Variants in DPP10 observed in about 807,000 individuals in gnomAD.
The protein encoded by DPP10 is inactive dipeptidyl peptidase 10.
In DPP10, 33 loss-of-function variants were observed where a neutral mutation model predicts 120.9. The ratio of observed to expected loss-of-function variants is 0.27; its 90% CI spans 0.21 to 0.37. DPP10 has a LOEUF of 0.37. Ranked by LOEUF, DPP10 falls within the 10% of genes least tolerant of loss-of-function variation. The pLI is 1.00. For synonymous variants in DPP10, 337 were observed against 326.1 expected, an observed-to-expected ratio of 1.03 and a Z score of -0.36; for missense variants, 816 against 942.8, an observed-to-expected ratio of 0.87 and a Z score of 1.76.
intron 1 of DPP10, among the ~76,000 whole-genome samples, chr2:114,901,053 T>C (rs1693520198): frequency 6.6e-6 from 1 of 152,226 alleles, no homozygotes; most frequent in East Asian, 1.9e-4. Context: ...TGTGCTAACA[T>C]TGAAGCAAGA....
At chr2:115,767,810 T>C (rs2149810736) in intron 12 of DPP10, among the ~76,000 whole-genome samples, 1 of 152,244 alleles carries the variant, frequency 6.6e-6, no homozygotes, top group South Asian at 2.1e-4. Context: ...GTATTTTCAG[T>C]TAATTTATGA....
At chr2:114,479,411 G>GAAA (rs57691260) in intron 1 of DPP10, among the ~76,000 whole-genome samples, 2,789 of 149,988 alleles carry the variant, frequency 0.019, 29 homozygotes, top group African/African-American at 0.034. Context: ...ATGAAAAAAT[G>GAAA]AAAAAAAAAC....
chr2:115,424,975 T>A (rs7561977), intron 3 of DPP10, among the ~76,000 whole-genome samples: 10,163 of 152,212 alleles, frequency 0.067, 445 homozygotes, highest in Middle Eastern at 0.13. Flanking sequence ...AGCATCTTCA[T>A]CTGAATGGAA....
At position 115,732,167 on chromosome 2, in the gene DPP10, A is replaced by T. The variant is rs78231661; in HGVS notation, c.697+4231A>T. On this transcript the variant is annotated intron_variant, in intron 8 of 25. Transcript: ENST00000410059. The stretch of plus-strand genomic sequence containing the variant: ...AAATTAGCATGTATGGGAGACACAG[A>T]AAGTAACATGTAACATTTCAACTTT... Among the ~76,000 whole-genome samples the T allele has an allele frequency of 5.1e-3, 774 of 152,336 alleles. 7 individuals carry two copies. The highest frequency in any genetic ancestry group is 0.018 in the African/African-American group (733 of 41,584).
At chr2:115,643,296 C>G (rs1263846471) in intron 5 of DPP10, among the ~76,000 whole-genome samples, 2 of 152,178 alleles carry the variant, frequency 1.3e-5, no homozygotes, top group Non-Finnish European at 2.9e-5. Context: ...GCTCAAGACA[C>G]TCCACTGTGA....
intron 3 of DPP10, among the ~76,000 whole-genome samples, chr2:115,409,185 A>G (rs1319407769): frequency 6.6e-6 from 1 of 152,226 alleles, no homozygotes; most frequent in Non-Finnish European, 1.5e-5. Flanking sequence ...ACGGAACATT[A>G]TGAACTACTT....
intron 1 of DPP10, among the ~76,000 whole-genome samples, chr2:115,074,523 G>A (rs1444144261): frequency 3.9e-5 from 6 of 152,138 alleles, no homozygotes; most frequent in Non-Finnish European, 8.8e-5. Context: ...ATACAAACCT[G>A]GGACAAACAA....
At chr2:114,661,217 T>G (rs1226478952) in intron 1 of DPP10, among the ~76,000 whole-genome samples, 1 of 152,222 alleles carries the variant, frequency 6.6e-6, no homozygotes, top group Non-Finnish European at 1.5e-5. Context: ...GCTTCCACTC[T>G]TCCATGTTAA....
chr2:114,810,886 C>T (rs538528614), intron 1 of DPP10, among the ~76,000 whole-genome samples: 4 of 152,242 alleles, frequency 2.6e-5, no homozygotes, highest in African/African-American at 4.8e-5. Flanking sequence ...GAAACTAGCC[C>T]TGCGGTTTTT....
chr2:114,561,650 A>G (rs1573658129), intron 1 of DPP10, among the ~76,000 whole-genome samples: 1 of 150,606 alleles, frequency 6.6e-6, no homozygotes, highest in Non-Finnish European at 1.5e-5. Context: ...GTTGGGAGAC[A>G]GTTTTTTTTT....
chr2:115,473,927 T>C (rs1325316638), intron 3 of DPP10, among the ~76,000 whole-genome samples: 1 of 152,114 alleles, frequency 6.6e-6, no homozygotes, highest in Admixed American at 6.6e-5. Flanking sequence ...ACTGATGGGA[T>C]ATAGAATCAG....
At chr2:115,840,612 C>G (rs1690042436) in intron 24 of DPP10, 138 bp from the exon 25 acceptor site, 3 of 834,452 alleles carry the variant, frequency 3.6e-6, no homozygotes, top group Admixed American at 5.2e-5. Flanking sequence ...GCGTGAGCCA[C>G]CGTGCCCAGC....
chr2:115,777,346 A>G (rs1374271), intron 14 of DPP10, 47 bp downstream of exon 14: 405,682 of 1,500,040 alleles, frequency 0.27, 56,019 homozygotes, highest in Middle Eastern at 0.36. Context: ...AGCGTTGTCA[A>G]ATGCCATCTT....
intron 1 of DPP10, among the ~76,000 whole-genome samples, chr2:114,493,137 A>G (rs1417824762): frequency 6.6e-6 from 1 of 152,204 alleles, no homozygotes; most frequent in Admixed American, 6.5e-5. Flanking sequence ...ATTCCTATAC[A>G]TTCAAATACA....
At chr2:114,750,458 C>G (rs904603580) in intron 1 of DPP10, among the ~76,000 whole-genome samples, 4 of 152,036 alleles carry the variant, frequency 2.6e-5, no homozygotes, top group Non-Finnish European at 5.9e-5. Context: ...CTCAGCCTCC[C>G]GAGTAGCTGG....
intron 1 of DPP10, among the ~76,000 whole-genome samples, chr2:114,900,550 G>A (rs1227207337): frequency 6.6e-6 from 1 of 151,974 alleles, no homozygotes; most frequent in African/African-American, 2.4e-5. Context: ...TTTTTGACTG[G>A]GTTGTTTGTC....
intron 1 of DPP10, among the ~76,000 whole-genome samples, chr2:114,599,310 A>C (rs1366957531): frequency 1.3e-5 from 2 of 151,904 alleles, no homozygotes; most frequent in Non-Finnish European, 2.9e-5. Flanking sequence ...GCTTATACAC[A>C]TTTAATTCAC....
chr2:114,960,554 A>G (rs531071122), intron 1 of DPP10, among the ~76,000 whole-genome samples: 21 of 152,232 alleles, frequency 1.4e-4, no homozygotes, highest in Middle Eastern at 6.8e-3. Context: ...TGGAACATGA[A>G]AAAACTAAAA....
At chr2:115,817,109 G>A (rs997379456) in intron 21 of DPP10, among the ~76,000 whole-genome samples, 8 of 151,678 alleles carry the variant, frequency 5.3e-5, no homozygotes, top group Admixed American at 2.0e-4. Context: ...TTACCCGGGC[G>A]TGGTGGCGGG....
Sources: allele counts gnomAD v4.1 joint callset (sites outside exome capture counted in the v4.1 genomes callset), GRCh38; gene constraint gnomAD v4.1.1; transcripts MANE v1.5; gene names NCBI Gene and HGNC (gene_info 2026-07-23, HGNC 2026-07-21).